SYNDIG1: variants seen among roughly 807,000 people sequenced by gnomAD.
SYNDIG1 encodes synapse differentiation-inducing gene protein 1.
A neutral mutation model predicts 19.4 loss-of-function variants in SYNDIG1; 9 were observed. That is an observed-to-expected ratio of 0.46 (90% confidence interval 0.28 to 0.81). The LOEUF is 0.81. Among genes scored for constraint, SYNDIG1 ranks in the 30% least tolerant of loss-of-function variants. The pLI is 0.12. For synonymous variants in SYNDIG1, 141 were observed against 145.9 expected, an observed-to-expected ratio of 0.97 and a Z score of 0.24; for missense variants, 311 against 343.3, an observed-to-expected ratio of 0.91 and a Z score of 0.74.
chr20:24,618,540 G>A (rs1201549639), intron 3 of SYNDIG1, among the ~76,000 whole-genome samples: 1 of 152,180 alleles, frequency 6.6e-6, no homozygotes, highest in Non-Finnish European at 1.5e-5. Context: ...CCAACCCAAA[G>A]GGGTATTCTC....
intron 1 of SYNDIG1, among the ~76,000 whole-genome samples, chr20:24,480,581 C>T (rs1321780377): frequency 6.6e-6 from 1 of 152,158 alleles, no homozygotes; most frequent in East Asian, 1.9e-4. Context: ...CTCAGAAACA[C>T]TAAACATAGA....
intron 1 of SYNDIG1, among the ~76,000 whole-genome samples, chr20:24,510,922 ATTCCAGT>A (rs1204641008): frequency 2.0e-5 from 3 of 152,154 alleles, no homozygotes; most frequent in African/African-American, 7.2e-5. Context: ...TCAGTTCCAT[ATTCCAGT>A]TCAAGTCCCT....
At chr20:24,545,038 T>C (rs1011025968) in intron 2 of SYNDIG1, among the ~76,000 whole-genome samples, 7 of 152,008 alleles carry the variant, frequency 4.6e-5, no homozygotes, top group Non-Finnish European at 8.8e-5. Flanking sequence ...GACCCCACAC[T>C]TGATAGAAAG....
chr20:24,633,277 C>T (rs764368523), intron 3 of SYNDIG1, among the ~76,000 whole-genome samples: 5 of 152,170 alleles, frequency 3.3e-5, no homozygotes, highest in South Asian at 4.1e-4. Context: ...TCTGAGCCCT[C>T]GCTGGCTGCA....
chr20:24,525,210 C>A (rs1314769607), intron 1 of SYNDIG1, among the ~76,000 whole-genome samples: 1 of 150,592 alleles, frequency 6.6e-6, no homozygotes, highest in African/African-American at 2.4e-5. Flanking sequence ...ATTGTATCAA[C>A]TTTTATATGA....
intron 2 of SYNDIG1, among the ~76,000 whole-genome samples, chr20:24,546,888 CA>C (rs2057588179): frequency 6.7e-6 from 1 of 150,300 alleles, no homozygotes; most frequent in Non-Finnish European, 1.5e-5. Context: ...TCTACTCAGC[CA>C]AAAAAGAAAA....
chr20:24,584,802 T>A, intron 2 of SYNDIG1, 54 bp from the exon 3 acceptor site: 1 of 1,612,584 alleles, frequency 6.2e-7, no homozygotes, highest in Non-Finnish European at 8.5e-7. Context: ...CACCCCAGGA[T>A]GACTCCTTTA....
intron 1 of SYNDIG1, among the ~76,000 whole-genome samples, chr20:24,480,119 C>T (rs994927575): frequency 6.6e-6 from 1 of 152,232 alleles, no homozygotes; most frequent in Admixed American, 6.5e-5. Context: ...TGATCATCAC[C>T]TCTTCCCAGC....
intron 1 of SYNDIG1, among the ~76,000 whole-genome samples, chr20:24,532,709 G>T (rs887497557): frequency 1.3e-5 from 2 of 152,196 alleles, no homozygotes; most frequent in Admixed American, 6.5e-5. Flanking sequence ...CCTTTCAGCC[G>T]TGAGCATCCA....
chr20:24,646,971 C>T (rs1003795583), intron 3 of SYNDIG1, among the ~76,000 whole-genome samples: 8 of 152,152 alleles, frequency 5.3e-5, no homozygotes, highest in Non-Finnish European at 4.4e-5. Flanking sequence ...CCAAATAAAC[C>T]TGTTTTCTTG....
intron 1 of SYNDIG1, among the ~76,000 whole-genome samples, chr20:24,490,280 T>G (rs1003020953): frequency 9.2e-5 from 14 of 152,332 alleles, no homozygotes; most frequent in African/African-American, 3.4e-4. Flanking sequence ...TCTTTGCGGC[T>G]TCTTGATTTT....
chr20:24,538,299 T>C (rs1191720884), intron 1 of SYNDIG1, among the ~76,000 whole-genome samples: 6 of 152,208 alleles, frequency 3.9e-5, no homozygotes, highest in African/African-American at 1.4e-4. Flanking sequence ...CACTTTTGAT[T>C]ACTTTTGAGT....
intron 3 of SYNDIG1, among the ~76,000 whole-genome samples, chr20:24,625,416 G>A (rs1371701064): frequency 9.5e-6 from 1 of 105,510 alleles, no homozygotes; most frequent in Admixed American, 1.0e-4. Flanking sequence ...GATCATTCTT[G>A]GGTGTTTCTC....
intron 1 of SYNDIG1, chr20:24,491,601 G>A (rs2056149620): frequency 6.6e-6 from 1 of 152,238 alleles, no homozygotes. Context: ...CTGATGCCAG[G>A]GGATGTGACA....
Position 24,556,604 on chromosome 20 carries a change from T to C in SYNDIG1, c.480+13027T>C, listed in dbSNP as rs1411260609. 3.9e-5 allele frequency among the ~76,000 whole-genome samples: 6 copies of C among 152,336 alleles called. No individual in the cohort carries two copies. The East Asian group carries it at 5.8e-4, about 15-fold the overall frequency. On this transcript the variant is annotated intron_variant, in intron 2 of 3. Coordinates refer to ENST00000376862, the MANE Select transcript of SYNDIG1 (RefSeq NM_024893.3). ...GGATATGAATTTCTGGGTTGAAAATTCTTTTCTTTAAGAATGTTGACAATT... is the reference window on the plus strand; with the variant it reads ...GGATATGAATTTCTGGGTTGAAAATCCTTTTCTTTAAGAATGTTGACAATT...
chr20:24,593,258 C>T (rs1337977097), intron 3 of SYNDIG1, among the ~76,000 whole-genome samples: 1 of 152,154 alleles, frequency 6.6e-6, no homozygotes, highest in African/African-American at 2.4e-5. Flanking sequence ...CATGTGTTTT[C>T]AATGTTTAGG....
chr20:24,510,955 G>C (rs1244646137), intron 1 of SYNDIG1, among the ~76,000 whole-genome samples: 2 of 152,138 alleles, frequency 1.3e-5, no homozygotes, highest in Non-Finnish European at 2.9e-5. Context: ...GATATTTCAA[G>C]TTTGCTTATT....
intron 1 of SYNDIG1, among the ~76,000 whole-genome samples, chr20:24,499,368 T>A (rs576084318): frequency 6.6e-6 from 1 of 152,260 alleles, no homozygotes; most frequent in South Asian, 2.1e-4. Flanking sequence ...CAGCCACAAG[T>A]GGTCAGAGGA....
chr20:24,638,889 CA>C (rs2059344070), intron 3 of SYNDIG1, among the ~76,000 whole-genome samples: 1 of 152,280 alleles, frequency 6.6e-6, no homozygotes, highest in Admixed American at 6.5e-5. Flanking sequence ...GAAATAAACA[CA>C]GGGGTAGCCC....
Sources: allele counts gnomAD v4.1 joint callset (sites outside exome capture counted in the v4.1 genomes callset), GRCh38; gene constraint gnomAD v4.1.1; transcripts MANE v1.5; gene names NCBI Gene and HGNC (gene_info 2026-07-23, HGNC 2026-07-21).